Variants in TCF4 observed in about 807,000 individuals in gnomAD.
The protein encoded by TCF4 is transcription factor 4, also known as SL3-3 enhancer factor 2.
TCF4 carries 3 observed loss-of-function variants against 82.1 expected under a neutral mutation model. The observed-to-expected ratio is 0.04, with a 90% CI of 0.02 to 0.09. TCF4 has a LOEUF of 0.09. Among genes scored for constraint, TCF4 ranks in the 10% least tolerant of loss-of-function variants. The pLI is 1.00. For missense variants in TCF4, 518 were observed against 852.7 expected (o/e 0.61, Z 4.89); for synonymous variants, 276 against 309.6 (o/e 0.89, Z 1.14).
chr18:55,530,153 C>A (rs902983221), intron 3 of TCF4, among the ~76,000 whole-genome samples: 2 of 152,082 alleles, frequency 1.3e-5, no homozygotes, highest in African/African-American at 2.4e-5. Flanking sequence ...CACTTTCATA[C>A]AAAAATTGAA....
chr18:55,228,226 T>C lies in TCF4; in HGVS notation c.2015A>G (p.Ter672=). Residue 672 remains the stop codon, a stop_retained_variant, in exon 19 of 20, where the codon TAA becomes TGA. Coordinates refer to ENST00000354452, the MANE Select transcript of TCF4 (RefSeq NM_001083962.2). ...ATGGCTGAAAACAAACTTGCCCTTT[T>C]ACATCTGTCCCATGTGATTCGATGC... ...GDASNHMGQM[*] is the part of the protein sequence containing the mutation. The C allele has an allele frequency of 6.2e-7, 1 of 1,614,178 alleles. No homozygotes were observed. Among genetic ancestry groups the C allele is most frequent in the Middle Eastern group, 1.6e-4 (1 of 6,062 alleles).
chr18:55,567,868 A>C (rs985653448), intron 3 of TCF4, among the ~76,000 whole-genome samples: 1 of 152,198 alleles, frequency 6.6e-6, no homozygotes, highest in African/African-American at 2.4e-5. Context: ...ATATCAAAGA[A>C]CTGTTGCCAT....
intron 3 of TCF4, among the ~76,000 whole-genome samples, chr18:55,512,914 T>A (rs1465672368): frequency 6.6e-6 from 1 of 152,182 alleles, no homozygotes; most frequent in African/African-American, 2.4e-5. Context: ...AAGTAAGTGC[T>A]TAAGGGTAGC....
At chr18:55,322,383 T>G in intron 8 of TCF4, 1 of 969,226 alleles carries the variant, frequency 1.0e-6, no homozygotes, top group Non-Finnish European at 1.2e-6. Flanking sequence ...CGCAGCTGCC[T>G]GAGAACTCGA....
intron 1 of TCF4, among the ~76,000 whole-genome samples, chr18:55,635,185 T>A (rs983890025): frequency 6.6e-6 from 1 of 151,790 alleles, no homozygotes; most frequent in African/African-American, 2.4e-5. Context: ...TAGACAAGAG[T>A]CAACGCCTTG....
At chr18:55,549,134 C>T (rs1321069172) in intron 3 of TCF4, among the ~76,000 whole-genome samples, 1 of 152,016 alleles carries the variant, frequency 6.6e-6, no homozygotes, top group East Asian at 1.9e-4. Flanking sequence ...AACCCCGTCA[C>T]CACAAAAAAT....
chr18:55,613,998 G>A (rs768816774), intron 2 of TCF4, among the ~76,000 whole-genome samples: 16 of 152,088 alleles, frequency 1.1e-4, no homozygotes, highest in Non-Finnish European at 1.9e-4. Flanking sequence ...AGCTCACTGC[G>A]GCCTGGGCTC....
intron 3 of TCF4, among the ~76,000 whole-genome samples, chr18:55,525,191 C>A (rs894202926): frequency 6.6e-6 from 1 of 151,776 alleles, no homozygotes; most frequent in Non-Finnish European, 1.5e-5. Context: ...TTTTCACATG[C>A]CATGTTCCAA....
At chr18:55,538,210 A>T (rs2097135936) in intron 3 of TCF4, among the ~76,000 whole-genome samples, 1 of 152,152 alleles carries the variant, frequency 6.6e-6, no homozygotes, top group African/African-American at 2.4e-5. Flanking sequence ...TAATAAAATC[A>T]ATGTGAAATG....
In TCF4 at chr18:55,585,456, T is replaced by G. The variant is rs2097632191; in HGVS notation, c.73-104A>C. The G allele has an allele frequency of 4.6e-6, 5 of 1,090,948 alleles. No homozygotes were observed. The Middle Eastern group carries it at 6.0e-4, about 132-fold the overall frequency. The allele number at this position is 1,090,948 out of a possible 1,614,324, so 67.6% of individuals were successfully genotyped here. On this transcript the variant is annotated intron_variant, in intron 2 of 19. Transcript: ENST00000354452. ...TTACCAAACAGCTTAGAGTTTATGC[T>G]AAGGGTTTATTTAGTAAAATACATC...
At chr18:55,417,533 T>C (rs553318199) in intron 5 of TCF4, among the ~76,000 whole-genome samples, 143 of 152,340 alleles carry the variant, frequency 9.4e-4, no homozygotes, top group Non-Finnish European at 1.6e-3. Flanking sequence ...TGTGGTTTAC[T>C]TATTATCTAT....
rs1422838507 is a variant in TCF4 at position 55,401,283 on chromosome 18, T to A, written c.369+2171A>T. 5.9e-6 allele frequency: 7 copies of A among 1,189,470 alleles called. No individual in the cohort carries two copies. In the Admixed American group the frequency reaches 1.1e-4, roughly 19 times the overall value. 73.7% of individuals were successfully genotyped at this position (1,189,470 alleles called of 1,614,324 possible). On this transcript the variant is annotated intron_variant, in intron 6 of 19. Transcript: ENST00000354452. ...ATTTCCAAAATTTCACTTTTATTTATCCCTAAGTAATCACACTGTTTATGG... is the reference window on the plus strand; with the variant it reads ...ATTTCCAAAATTTCACTTTTATTTAACCCTAAGTAATCACACTGTTTATGG...
chr18:55,619,782 G>C (rs2097715838), intron 2 of TCF4, among the ~76,000 whole-genome samples: 1 of 151,988 alleles, frequency 6.6e-6, no homozygotes, highest in African/African-American at 2.4e-5. Context: ...CAGGCATCTT[G>C]AATTTTACTT....
chr18:55,594,972 G>T (rs766327390), intron 2 of TCF4, among the ~76,000 whole-genome samples: 21 of 152,058 alleles, frequency 1.4e-4, no homozygotes, highest in Non-Finnish European at 2.6e-4. Context: ...GACCACCCAG[G>T]TACAGACAAA....
At chr18:55,321,782 T>A in intron 8 of TCF4, 3 of 1,512,690 alleles carry the variant, frequency 2.0e-6, no homozygotes, top group Non-Finnish European at 2.7e-6. Context: ...CTAACAACTT[T>A]TATTTCAAAC....
chr18:55,336,831 G>A (rs1015939681), intron 8 of TCF4, among the ~76,000 whole-genome samples: 1 of 151,912 alleles, frequency 6.6e-6, no homozygotes, highest in African/African-American at 2.4e-5. Context: ...TCTTTCATAC[G>A]ACATCCATCA....
intron 6 of TCF4, among the ~76,000 whole-genome samples, chr18:55,377,243 G>T (rs2090987741): frequency 6.6e-6 from 1 of 152,152 alleles, no homozygotes. Context: ...TCTCTGGTGG[G>T]ATGGCTTGAG....
At chr18:55,463,585 C>A (rs1342712074) in intron 4 of TCF4, among the ~76,000 whole-genome samples, 1 of 152,060 alleles carries the variant, frequency 6.6e-6, no homozygotes, top group African/African-American at 2.4e-5. Flanking sequence ...GTCTACATAG[C>A]GAAATCAACT....
Position 55,229,069 on chromosome 18 carries a change from C to A in TCF4, c.1657G>T (p.Asp553Tyr). Residue 553 changes from aspartate to tyrosine, a missense_variant, in exon 18 of 20, where the codon GAC (aspartate) becomes TAC (tyrosine). By Grantham distance (160) the Asp-to-Tyr change is radical. Around this residue, in one of 7 missense-constraint regions of TCF4, gnomAD observed 144 missense variants for 190.2 expected, o/e 0.76. Coordinates refer to ENST00000354452, the MANE Select transcript of TCF4 (RefSeq NM_001083962.2). Reference protein sequence around the residue: ...SITRSRSSNNDDEDLTPEQKA... With the variant: ...SITRSRSSNNYDEDLTPEQKA... ...TGCTCTGGTGTCAGGTCCTCATCGT[C>A]ATTATTGCTGTGGGACAAAAGGGAT... 6.2e-7 allele frequency: 1 copy of A among 1,614,100 alleles called. No homozygotes were observed. Among genetic ancestry groups the A allele is most frequent in the Non-Finnish European group, 8.5e-7 (1 of 1,180,010 alleles).
Sources: allele counts gnomAD v4.1 joint callset (sites outside exome capture counted in the v4.1 genomes callset), GRCh38; gene constraint gnomAD v4.1.1; regional missense constraint gnomAD v4.1.1; transcripts MANE v1.5; gene names NCBI Gene and HGNC (gene_info 2026-07-23, HGNC 2026-07-21).